Variants in PTGER3 observed in about 807,000 individuals in gnomAD.
PTGER3 encodes the protein prostaglandin E receptor 3, also known as prostaglandin E2 receptor EP3 subtype.
A neutral mutation model predicts 34.7 loss-of-function variants in PTGER3; 22 were observed. That is an observed-to-expected ratio of 0.63 (90% CI 0.45 to 0.91). The LOEUF is 0.91. Among genes scored for constraint, PTGER3 ranks in the 40% least tolerant of loss-of-function variants. PTGER3 has a pLI of 0.00. For missense variants in PTGER3, 468 were observed against 519.4 expected, an observed-to-expected ratio of 0.90 and a Z score of 0.96; for synonymous variants, 241 against 230.1, an observed-to-expected ratio of 1.05 and a Z score of -0.43.
downstream of PTGER3, among the ~76,000 whole-genome samples, chr1:70,951,778 T>A (rs1650780530): frequency 6.6e-6 from 1 of 152,168 alleles, no homozygotes; most frequent in African/African-American, 2.4e-5. Context: ...AAAGCCTGTC[T>A]CTGCCCTTGG....
rs559704388 is a variant in PTGER3, at chr1:70,922,145, C to T, written c.*23+31618G>A. Among the ~76,000 whole-genome samples the T allele has an allele frequency of 6.0e-4, 91 of 152,202 alleles. 1 individual carries two copies. The highest frequency in any genetic ancestry group is 2.2e-3 in the Admixed American group (33 of 15,266). On this transcript the variant is annotated intron_variant, in intron 4 of 4. Coordinates refer to the PTGER3 transcript ENST00000370931. ...TTTAAAAACTGTTCATTTTAATCTT[C>T]CTTGGAGATATCAGATTCTAGATAA...
chr1:70,875,104 TA>T (rs531164457), intron 4 of PTGER3, among the ~76,000 whole-genome samples: 37 of 152,332 alleles, frequency 2.4e-4, no homozygotes, highest in African/African-American at 8.2e-4. Flanking sequence ...TAATTTGGCC[TA>T]AGATGTTGGC....
At chr1:70,880,559 G>A (rs761532974) in intron 4 of PTGER3, among the ~76,000 whole-genome samples, 4 of 151,532 alleles carry the variant, frequency 2.6e-5, no homozygotes, top group East Asian at 3.9e-4. Context: ...GCATGATGGC[G>A]GGCACCTGTA....
intron 4 of PTGER3, among the ~76,000 whole-genome samples, chr1:70,868,590 A>T (rs1409985): frequency 0.46 from 69,887 of 151,992 alleles, 17,334 homozygotes; most frequent in East Asian, 0.82. Context: ...TGGATAATAA[A>T]GCCTTATCTC....
At chr1:70,939,825 G>A (rs1649588819) in intron 4 of PTGER3, among the ~76,000 whole-genome samples, 1 of 152,180 alleles carries the variant, frequency 6.6e-6, no homozygotes, top group Admixed American at 6.5e-5. Flanking sequence ...CTGGGCCTGT[G>A]ATAGGAGGGG....
chr1:71,022,301 G>C (rs1658488977), intron 1 of PTGER3, among the ~76,000 whole-genome samples: 1 of 145,202 alleles, frequency 6.9e-6, no homozygotes, highest in South Asian at 2.3e-4. Context: ...TTTAACAAGA[G>C]GTAAGCAGTC....
At chr1:70,932,795 G>T (rs746910086) in intron 4 of PTGER3, among the ~76,000 whole-genome samples, 2 of 152,038 alleles carry the variant, frequency 1.3e-5, no homozygotes, top group African/African-American at 2.4e-5. Context: ...TTTCAACTAT[G>T]CCCCCAATTC....
At chr1:70,922,422 G>A (rs1647624241) in intron 4 of PTGER3, among the ~76,000 whole-genome samples, 1 of 152,062 alleles carries the variant, frequency 6.6e-6, no homozygotes, top group Admixed American at 6.6e-5. Flanking sequence ...AAGGTGATGG[G>A]CCTCCTAAAT....
At chr1:70,991,279 A>T (rs936317425) in intron 2 of PTGER3, among the ~76,000 whole-genome samples, 1 of 152,176 alleles carries the variant, frequency 6.6e-6, no homozygotes, top group Non-Finnish European at 1.5e-5. Flanking sequence ...CTTTGGTTTT[A>T]CTGCTCCTTT....
intron 1 of PTGER3, among the ~76,000 whole-genome samples, chr1:71,039,261 T>G (rs1007516675): frequency 6.6e-6 from 1 of 152,054 alleles, no homozygotes; most frequent in Admixed American, 6.6e-5. Context: ...CAGTGTGTTT[T>G]GGAGTTAGAG....
At chr1:70,996,484 T>G (rs1478238320) in intron 2 of PTGER3, among the ~76,000 whole-genome samples, 1 of 151,978 alleles carries the variant, frequency 6.6e-6, no homozygotes, top group Non-Finnish European at 1.5e-5. Context: ...TTTTTGTTTT[T>G]GAGAAGGAGT....
intron 2 of PTGER3, among the ~76,000 whole-genome samples, chr1:70,978,480 TGACCTACTCAA>T (rs2100710038): frequency 6.6e-6 from 1 of 152,244 alleles, no homozygotes; most frequent in East Asian, 1.9e-4. Context: ...GAGCAGCATT[TGACCTACTCAA>T]GGGGGAAAAT....
chr1:70,857,688 C>A (rs1252523729), intron 4 of PTGER3, among the ~76,000 whole-genome samples: 2 of 152,036 alleles, frequency 1.3e-5, no homozygotes, highest in African/African-American at 4.8e-5. Flanking sequence ...GGCACCGCCA[C>A]CACGCCCGGC....
chr1:70,933,759 C>T (rs1302420698), intron 4 of PTGER3, among the ~76,000 whole-genome samples: 1 of 152,146 alleles, frequency 6.6e-6, no homozygotes, highest in African/African-American at 2.4e-5. Flanking sequence ...TCACTCTATA[C>T]TTTTTCTTCC....
intron 2 of PTGER3, among the ~76,000 whole-genome samples, chr1:70,989,548 T>TAAAACA (rs1160444030): frequency 5.9e-5 from 9 of 152,220 alleles, no homozygotes; most frequent in Non-Finnish European, 2.9e-5. Flanking sequence ...TATTTTTAGC[T>TAAAACA]AAAACAATAT....
intron 2 of PTGER3, chr1:71,007,956 T>C (rs1255912627): frequency 1.0e-6 from 1 of 985,132 alleles, no homozygotes; most frequent in Non-Finnish European, 1.2e-6. Context: ...TTCCTTCTTA[T>C]CTTTACTCCC....
chr1:70,923,152 G>C lies in PTGER3; in HGVS notation c.*23+30611C>G, dbSNP rs557598374. ...ATGCACTAACACAACAGTGACATTT[G>C]GCTTACTTGGTATAAAAATCATACA... On this transcript the variant is annotated intron_variant, in intron 4 of 4. Coordinates refer to the PTGER3 transcript ENST00000370931. Among the ~76,000 whole-genome samples the C allele has an allele frequency of 2.6e-5, 4 of 151,530 alleles. No homozygotes were observed. In the South Asian group the frequency reaches 8.3e-4, roughly 32 times the overall value.
At chr1:70,932,961 C>G (rs1648857711) in intron 4 of PTGER3, among the ~76,000 whole-genome samples, 4 of 152,064 alleles carry the variant, frequency 2.6e-5, no homozygotes, top group Admixed American at 2.6e-4. Context: ...AGACTGAAGG[C>G]AGAGTCAGGG....
At chr1:70,864,114 A>T (rs929762573) in intron 4 of PTGER3, among the ~76,000 whole-genome samples, 3 of 152,106 alleles carry the variant, frequency 2.0e-5, no homozygotes, top group African/African-American at 4.8e-5. Context: ...TCAGAGCTTT[A>T]CACATGCCAT....
Sources: gnomAD v4.1 joint callset for allele counts (sites outside exome capture counted in the v4.1 genomes callset) on GRCh38, gnomAD v4.1.1 for gene constraint, MANE v1.5 for transcripts, NCBI Gene and HGNC (gene_info 2026-07-23, HGNC 2026-07-21) for gene names.